Variants in FRRS1L observed in about 807,000 individuals in gnomAD.
FRRS1L encodes the protein ferric chelate reductase 1 like, also known as DOMON domain-containing protein FRRS1L.
A neutral mutation model predicts 28.6 loss-of-function variants in FRRS1L; 22 were observed. The observed-to-expected ratio is 0.77, with a 90% CI of 0.55 to 1.10. FRRS1L has a LOEUF of 1.10. FRRS1L is among the 50% of genes least tolerant of loss of function. FRRS1L has a pLI of 0.00. For synonymous variants in FRRS1L, 158 were observed against 151.4 expected (o/e 1.04, Z -0.32); for missense variants, 380 against 386.9 (o/e 0.98, Z 0.15).
chr9:109,142,440 T>C (rs1831199940), intron 3 of FRRS1L, among the ~76,000 whole-genome samples: 1 of 152,162 alleles, frequency 6.6e-6, no homozygotes, highest in Non-Finnish European at 1.5e-5. Flanking sequence ...GCATTGACAC[T>C]TTAAAATCAT....
At chr9:109,154,691 T>C (rs1460763688) in intron 1 of FRRS1L, among the ~76,000 whole-genome samples, 6 of 152,218 alleles carry the variant, frequency 3.9e-5, no homozygotes, top group African/African-American at 1.4e-4. Flanking sequence ...AACTCCATTT[T>C]CTTCCCCACC....
intron 2 of FRRS1L, 64 bp from the exon 3 acceptor site, chr9:109,147,253 CTA>C: frequency 1.5e-6 from 2 of 1,349,994 alleles, no homozygotes; most frequent in Non-Finnish European, 2.1e-6. Flanking sequence ...AAGAGAGCAT[CTA>C]CCATGTATCA....
rs1831128150 is a variant in FRRS1L at position 109,137,544 on chromosome 9, G to T, written c.793C>A (p.Pro265Thr). 1 of 1,612,868 alleles carries T rather than the reference G, an allele frequency of 6.2e-7. No homozygotes were observed. Among genetic ancestry groups the T allele is most frequent in the Non-Finnish European group, 8.5e-7 (1 of 1,179,080 alleles). ...SIYKYEDIFM[P>T]SAAYQTFSSP... ...GAGAAGGTTTGATAGGCAGCTGATG[G>T]CATAAAAATGTCTTCATACTTGTAA... is the stretch of plus-strand genomic sequence containing the variant. Residue 265 changes from proline to threonine, a missense_variant, in exon 5 of 5, where the codon CCA becomes ACA. Coordinates refer to ENST00000561981, the MANE Select transcript of FRRS1L (RefSeq NM_014334.4).
Position 109,167,197 on chromosome 9 carries a change from C to T in FRRS1L, c.-59G>A. The T allele has an allele frequency of 1.7e-6, 2 of 1,176,356 alleles. No homozygotes were observed. The highest frequency in any genetic ancestry group is 1.0e-6 in the Non-Finnish European group (1 of 954,454). The allele number at this position is 1,176,356 out of a possible 1,614,324, so 72.9% of individuals were successfully genotyped here. A position where few individuals can be genotyped will look rare whatever the true frequency, so the allele number is the denominator to read the frequency against. On this transcript the variant is annotated 5_prime_UTR_variant, in exon 1 of 5. Coordinates refer to ENST00000561981, the MANE Select transcript of FRRS1L (RefSeq NM_014334.4). ...GGCCGCAGCGGGGGCGCCGCGGGCG[C>T]GGGCCGGGACTGAGCCTCCGCCGAG...
At position 109,167,048 on chromosome 9, in the gene FRRS1L, C is replaced by T. The variant is rs1831563493; in HGVS notation, c.91G>A (p.Ala31Thr). ...TGPAACAASPADDGAGPGGRG... is the reference protein window; with the variant it reads ...TGPAACAASPTDDGAGPGGRG... ...CCCCCCGGGCCCGCACCGTCGTCCGCGGGGCTGGCTGCGCAGGCGGCGGGC... is the reference window on the plus strand; with the variant it reads ...CCCCCCGGGCCCGCACCGTCGTCCGTGGGGCTGGCTGCGCAGGCGGCGGGC... Residue 31 changes from alanine to threonine, a missense_variant, in exon 1 of 5, where the codon GCG (alanine) becomes ACG (threonine). By Grantham distance (58) the Ala-to-Thr change is moderately conservative (BLOSUM62 0). Transcript: ENST00000561981. 1.7e-6 allele frequency: 2 copies of T among 1,193,408 alleles called. No homozygotes were observed. Among genetic ancestry groups the T allele is most frequent in the South Asian group, 4.0e-5 (1 of 25,078 alleles). 73.9% of individuals were successfully genotyped at this position (1,193,408 alleles called of 1,614,324 possible).
At chr9:109,160,234 C>A (rs1367965369) in intron 1 of FRRS1L, among the ~76,000 whole-genome samples, 1 of 152,144 alleles carries the variant, frequency 6.6e-6, no homozygotes, top group Non-Finnish European at 1.5e-5. Flanking sequence ...GGATATTCCA[C>A]AAGCAAATCA....
rs1831128775 is a variant in FRRS1L, at chr9:109,137,565, T to C, written c.772A>G (p.Lys258Glu). 1 of 1,612,758 alleles carries C rather than the reference T, an allele frequency of 6.2e-7. No individual in the cohort carries two copies. The highest frequency in any genetic ancestry group is 8.5e-7 in the Non-Finnish European group (1 of 1,179,150). Residue 258 changes from lysine to glutamate, a missense_variant, in exon 5 of 5, where the codon AAG (lysine) becomes GAG (glutamate). Physicochemically the swap from Lys to Glu is moderately conservative, Grantham distance 56 (BLOSUM62 1). Coordinates refer to ENST00000561981, the MANE Select transcript of FRRS1L (RefSeq NM_014334.4). ...PASERVVSIY[K>E]YEDIFMPSAA... Reference sequence around the variant, plus strand: ...GATGGCATAAAAATGTCTTCATACTTGTAAATACTGACAACACGCTCTGAA... The same window carrying C: ...GATGGCATAAAAATGTCTTCATACTCGTAAATACTGACAACACGCTCTGAA...
rs1012888122 is a variant in FRRS1L at position 109,135,338 on chromosome 9, G to C, written c.*2117C>G. 1 of 152,246 alleles carries C rather than the reference G, an allele frequency of 6.6e-6. No individual in the cohort carries two copies. Among genetic ancestry groups the C allele is most frequent in the African/African-American group, 2.4e-5 (1 of 41,458 alleles). 9.4% of individuals were successfully genotyped at this position (152,246 alleles called of 1,614,324 possible). ...CAGACTTCTCTCCTCAAAATGGGCA[G>C]TTAGCACAGACATTTGGAACAAAGA... On this transcript the variant is annotated 3_prime_UTR_variant, in exon 5 of 5. Transcript: ENST00000561981.
intron 4 of FRRS1L, chr9:109,139,307 T>C (rs1831152557): frequency 6.6e-6 from 1 of 152,176 alleles, no homozygotes; most frequent in South Asian, 2.1e-4. Context: ...TTAGAGTTAG[T>C]GAGAAGAACA....
At chr9:109,150,074 A>T (rs1432202637) in intron 1 of FRRS1L, 1 of 169,974 alleles carries the variant, frequency 5.9e-6, no homozygotes, top group African/African-American at 2.4e-5. Context: ...AAGAGAAAAA[A>T]GTTAACAGTG....
chr9:109,152,497 T>G (rs1487939202), intron 1 of FRRS1L, among the ~76,000 whole-genome samples: 3 of 151,662 alleles, frequency 2.0e-5, no homozygotes, highest in Admixed American at 2.0e-4. Flanking sequence ...TTGGGTACGA[T>G]TGTCTCTTTA....
chr9:109,165,151 C>T (rs774744765), intron 1 of FRRS1L, among the ~76,000 whole-genome samples: 10 of 152,200 alleles, frequency 6.6e-5, no homozygotes, highest in Admixed American at 5.2e-4. Flanking sequence ...CAGAAACAGA[C>T]GGGCTTCGGA....
In FRRS1L at chr9:109,135,507, G is replaced by A. The variant is rs2118453917; in HGVS notation, c.*1948C>T. 1 of 152,294 alleles carries A rather than the reference G, an allele frequency of 6.6e-6. No individual in the cohort carries two copies. The highest frequency in any genetic ancestry group is 6.5e-5 in the Admixed American group (1 of 15,284). 9.4% of individuals were successfully genotyped at this position (152,294 alleles called of 1,614,324 possible). On this transcript the variant is annotated 3_prime_UTR_variant, in exon 5 of 5. Coordinates refer to ENST00000561981, the MANE Select transcript of FRRS1L (RefSeq NM_014334.4). ...CTCTGTCACCCAGGCTGGAGTGCAAGTGGCACAATTTTGGCTCACTGCAAG... is the reference window on the plus strand; with the variant it reads ...CTCTGTCACCCAGGCTGGAGTGCAAATGGCACAATTTTGGCTCACTGCAAG...
At position 109,167,030 on chromosome 9, in the gene FRRS1L, G is replaced by A. The variant is rs1361706547; in HGVS notation, c.109C>T (p.Pro37Ser). The A allele has an allele frequency of 2.5e-6, 3 of 1,210,538 alleles. No individual in the cohort carries two copies. The highest frequency in any genetic ancestry group is 3.1e-6 in the Non-Finnish European group (3 of 976,566). 75.0% of individuals were successfully genotyped at this position (1,210,538 alleles called of 1,614,324 possible). A position where few individuals can be genotyped will look rare whatever the true frequency, so the allele number is the denominator to read the frequency against. The change falls in exon 1 of 5, where the codon CCG (proline) becomes TCG (serine). Residue 37 changes from proline (P) to serine (S), a missense_variant. Transcript: ENST00000561981. ...CGTCCCCGGGGTCCCCGGCCCCCCGGGCCCGCACCGTCGTCCGCGGGGCTG... is the reference window on the plus strand; with the variant it reads ...CGTCCCCGGGGTCCCCGGCCCCCCGAGCCCGCACCGTCGTCCGCGGGGCTG... Reference protein sequence around the residue: ...AASPADDGAGPGGRGPRGRAR... With the variant: ...AASPADDGAGSGGRGPRGRAR...
At position 109,149,722 on chromosome 9, in the gene FRRS1L, T is replaced by C. The variant is rs1831307625; in HGVS notation, c.239-2A>G. The C allele has an allele frequency of 6.2e-7, 1 of 1,604,396 alleles. No homozygotes were observed. Among genetic ancestry groups the C allele is most frequent in the Non-Finnish European group, 8.5e-7 (1 of 1,171,450 alleles). On this transcript the variant is annotated splice_acceptor_variant, in intron 1 of 4. Coordinates refer to ENST00000561981, the MANE Select transcript of FRRS1L (RefSeq NM_014334.4). LOFTEE classifies it high-confidence loss of function. ...GAGGAGCAGTAGGGAAGGGGTAACC[T>C]GGGCAGTGAGAATAAAGAAGGGTTA...
chr9:109,150,840 C>CA (rs1484797443), intron 1 of FRRS1L: 1 of 152,232 alleles, frequency 6.6e-6, no homozygotes, highest in Non-Finnish European at 1.5e-5. Context: ...CTCTGCCCAG[C>CA]ATAGTGCTTG....
rs2118446070 is a variant in FRRS1L, at chr9:109,131,663, T to C, written c.*5792A>G. 6.6e-6 allele frequency: 1 copy of C among 152,368 alleles called. No homozygotes were observed. Among genetic ancestry groups the C allele is most frequent in the African/African-American group, 2.4e-5 (1 of 41,588 alleles). The allele number at this position is 152,368 out of a possible 1,614,324, so 9.4% of individuals were successfully genotyped here. ...TTGTAAGTTGTAGGAATGTATCAAA[T>C]GTATATCACTTTCATATCATCGTAA... On this transcript the variant is annotated 3_prime_UTR_variant, in exon 5 of 5. Coordinates refer to ENST00000561981, the MANE Select transcript of FRRS1L (RefSeq NM_014334.4).
At chr9:109,156,908 A>G (rs964163311) in intron 1 of FRRS1L, among the ~76,000 whole-genome samples, 4 of 152,012 alleles carry the variant, frequency 2.6e-5, no homozygotes, top group African/African-American at 7.3e-5. Flanking sequence ...CCCAGGCTCA[A>G]GCTATCTGCC....
intron 1 of FRRS1L, among the ~76,000 whole-genome samples, chr9:109,161,865 T>G (rs73523106): frequency 0.033 from 5,074 of 152,308 alleles, 293 homozygotes; most frequent in African/African-American, 0.12. Context: ...AGGGTCGTAT[T>G]ATGAAGTAAA....
Sources: gnomAD v4.1 joint callset for allele counts (sites outside exome capture counted in the v4.1 genomes callset) on GRCh38, gnomAD v4.1.1 for gene constraint, MANE v1.5 for transcripts, NCBI Gene and HGNC (gene_info 2026-07-23, HGNC 2026-07-21) for gene names.